The following JRK variants were observed in gnomAD, a reference collection of about 807,000 sequenced individuals.
JRK encodes jerky protein homolog.
For missense variants in JRK, 720 were observed against 509.2 expected (o/e 1.41, Z -3.98); for synonymous variants, 303 against 218.1 (o/e 1.39, Z -3.43).
Position 142,660,304 on chromosome 8 carries a change from G to C in JRK, c.*4048C>G. The C allele has an allele frequency of 1.0e-6, 1 of 985,636 alleles. No individual in the cohort carries two copies. The allele number at this position is 985,636 out of a possible 1,614,324, so 61.1% of individuals were successfully genotyped here. On this transcript the variant is annotated 3_prime_UTR_variant, in exon 2 of 2. Coordinates refer to ENST00000612905, the MANE Select transcript of JRK (RefSeq NM_003724.4). ...CCCAGGCCACCACCCACCCCTCACG[G>C]CTGCCACACCCACCAGCCCATGACT...
At chr8:142,645,878 C>G in the JRK span, among the ~76,000 whole-genome samples, 2 of 151,978 alleles carry the variant, frequency 1.3e-5, no homozygotes, top group Admixed American at 6.6e-5. Flanking sequence ...AAAGTAAAAC[C>G]CTTTTATTTT....
rs1023735981 is a variant in JRK at position 142,659,272 on chromosome 8, G to A, written c.*5080C>T. On this transcript the variant is annotated 3_prime_UTR_variant, in exon 2 of 2. Transcript: ENST00000612905. ...GCCCAGGGACATGCCTTGGCTTGGG[G>A]TGGCTTAGGACCAGGGCAAGACGCC... 9 of 1,072,910 alleles carry A rather than the reference G, an allele frequency of 8.4e-6. No homozygotes were observed. Among genetic ancestry groups the A allele is most frequent in the Non-Finnish European group, 1.0e-5 (9 of 883,390 alleles). The allele number at this position is 1,072,910 out of a possible 1,614,324, so 66.5% of individuals were successfully genotyped here. A position where few individuals can be genotyped will look rare whatever the true frequency, so the allele number is the denominator to read the frequency against.
chr8:142,665,759 C>A lies in JRK; in HGVS notation c.300G>T (p.Lys100Asn). The stretch of plus-strand genomic sequence containing the variant: ...CTGACACGGGGACGCCCTCGGAGCG[C>A]TTCCCCAGGAACCACTCGTACAGGA... ...DRVLYEWFLG[K>N]RSEGVPVSGP... Residue 100 changes from lysine to asparagine, a missense_variant, in exon 2 of 2, where the codon AAG (lysine) becomes AAT (asparagine). Transcript: ENST00000612905. 1 of 776,170 alleles carries A rather than the reference C, an allele frequency of 1.3e-6. No individual in the cohort carries two copies. The highest frequency in any genetic ancestry group is 2.4e-6 in the Non-Finnish European group (1 of 415,964). The allele number at this position is 776,170 out of a possible 1,614,324, so 48.1% of individuals were successfully genotyped here. A position where few individuals can be genotyped will look rare whatever the true frequency, so the allele number is the denominator to read the frequency against.
At chr8:142,667,399 C>T (rs587662996) in intron 1 of JRK, among the ~76,000 whole-genome samples, 1 of 151,840 alleles carries the variant, frequency 6.6e-6, no homozygotes, top group East Asian at 1.9e-4. Context: ...CACGGCAGGG[C>T]CGCAGAGCCT....
Position 142,666,190 on chromosome 8 carries a change from G to A in JRK, c.-132C>T. The A allele has an allele frequency of 6.8e-7, 1 of 1,473,658 alleles. No individual in the cohort carries two copies. The highest frequency in any genetic ancestry group is 1.2e-5 in the South Asian group (1 of 80,272). The allele number at this position is 1,473,658 out of a possible 1,614,324, so 91.3% of individuals were successfully genotyped here. ...CTCCACTCTGCCTGCCTGCTCTGCT[G>A]ATCCTGAGCACAGGCCCCAGTCCCT... On this transcript the variant is annotated 5_prime_UTR_variant, in exon 2 of 2. Transcript: ENST00000612905.
chr8:142,652,031 G>A, the JRK span, among the ~76,000 whole-genome samples: 1 of 151,908 alleles, frequency 6.6e-6, no homozygotes. Context: ...GGTGGGAGTT[G>A]TACAGCATAA....
chr8:142,665,422 T>C lies in JRK; in HGVS notation c.637A>G (p.Lys213Glu). The change falls in exon 2 of 2, where the codon AAG (lysine) becomes GAG (glutamate). Residue 213 changes from lysine to glutamate, a missense_variant. Coordinates refer to ENST00000612905, the MANE Select transcript of JRK (RefSeq NM_003724.4). ...GGAVPGPKQG[K>E]DRLTVLMCAN... ...CACATCAGCACGGTCAGCCGGTCCT[T>C]GCCCTGCTTGGGGCCAGGCACAGCC... 1 of 717,766 alleles carries C rather than the reference T, an allele frequency of 1.4e-6. No individual in the cohort carries two copies. The highest frequency in any genetic ancestry group is 2.6e-6 in the Non-Finnish European group (1 of 385,076). The allele number at this position is 717,766 out of a possible 1,614,324, so 44.5% of individuals were successfully genotyped here. A position where few individuals can be genotyped will look rare whatever the true frequency, so the allele number is the denominator to read the frequency against.
the JRK span, among the ~76,000 whole-genome samples, chr8:142,650,064 T>C: frequency 6.6e-6 from 1 of 152,274 alleles, no homozygotes; most frequent in Admixed American, 6.5e-5. Flanking sequence ...ATGTGAAACA[T>C]GGAGTCAAAG....
In JRK at chr8:142,662,050, C is replaced by T. The variant is rs1216636046; in HGVS notation, c.*2302G>A. The T allele has an allele frequency of 6.1e-6, 6 of 985,346 alleles. No homozygotes were observed. In the East Asian group the frequency reaches 5.7e-4, roughly 93 times the overall value. 61.0% of individuals were successfully genotyped at this position (985,346 alleles called of 1,614,324 possible). On this transcript the variant is annotated 3_prime_UTR_variant, in exon 2 of 2. Transcript: ENST00000612905. ...AGCAGGGCCCGAGTCCCCTGGGTGGCACAAGGGATTCCAGCCACAAGGGCT... is the reference window on the plus strand; with the variant it reads ...AGCAGGGCCCGAGTCCCCTGGGTGGTACAAGGGATTCCAGCCACAAGGGCT...
Position 142,663,013 on chromosome 8 carries a change from C to T in JRK, c.*1339G>A, listed in dbSNP as rs993452931. The stretch of plus-strand genomic sequence containing the variant: ...TGTCTCTACAAAAAAAATAAAAAGG[C>T]GCGGTGGTGCGTGCCTCTAGTCCCA... On this transcript the variant is annotated 3_prime_UTR_variant, in exon 2 of 2. Coordinates refer to ENST00000612905, the MANE Select transcript of JRK (RefSeq NM_003724.4). 692 of 263,782 alleles carry T rather than the reference C, an allele frequency of 2.6e-3. 7 individuals carry two copies. The East Asian group carries it at 0.037, about 14-fold the overall frequency. The allele number at this position is 263,782 out of a possible 1,614,324, so 16.3% of individuals were successfully genotyped here.
rs782019917 is a variant in JRK, at chr8:142,666,081, C to A, written c.-23G>T. The A allele has an allele frequency of 1.0e-5, 16 of 1,596,032 alleles. No homozygotes were observed. The highest frequency in any genetic ancestry group is 1.4e-5 in the Non-Finnish European group (16 of 1,172,114). ...CATGGGGAGGGGTGGCTGGTCCTAG[C>A]ACTTGCAGGACACACGCCTGGCCTG... On this transcript the variant is annotated 5_prime_UTR_variant, in exon 2 of 2. Transcript: ENST00000612905.
rs1320637898 is a variant in JRK, at chr8:142,657,603, GAGC to G, written c.*6746_*6748del. 1.3e-5 allele frequency: 2 copies of G among 152,440 alleles called. No homozygotes were observed. Among genetic ancestry groups the G allele is most frequent in the Non-Finnish European group, 2.9e-5 (2 of 68,206 alleles). 9.4% of individuals were successfully genotyped at this position (152,440 alleles called of 1,614,324 possible). A position where few individuals can be genotyped will look rare whatever the true frequency, so the allele number is the denominator to read the frequency against. On this transcript the variant is annotated 3_prime_UTR_variant, in exon 2 of 2. Transcript: ENST00000612905. ...AAAGGGCAGCAGCATCACATAGCAAGAGCAGGAGGAAGAAGGGAGGGAGGTGCC... is the reference window on the plus strand; with the variant it reads ...AAAGGGCAGCAGCATCACATAGCAAGAGGAGGAAGAAGGGAGGGAGGTGCC...
chr8:142,661,902 C>T lies in JRK; in HGVS notation c.*2450G>A. ...AGTCTCCATAAAGCGTTCTGGGGGA[C>T]AGGACCGAGGCAAGAGGTATGCACC... On this transcript the variant is annotated 3_prime_UTR_variant, in exon 2 of 2. Coordinates refer to ENST00000612905, the MANE Select transcript of JRK (RefSeq NM_003724.4). The T allele has an allele frequency of 1.0e-6, 1 of 985,568 alleles. No homozygotes were observed. 61.1% of individuals were successfully genotyped at this position (985,568 alleles called of 1,614,324 possible). A position where few individuals can be genotyped will look rare whatever the true frequency, so the allele number is the denominator to read the frequency against.
At chr8:142,645,690 A>T in the JRK span, among the ~76,000 whole-genome samples, 9,590 of 148,128 alleles carry the variant, frequency 0.065, 837 homozygotes, top group African/African-American at 0.2. Context: ...AGAAAAAAAA[A>T]ATATATATAT....
chr8:142,655,686 A>T (rs1434469171), downstream of JRK, among the ~76,000 whole-genome samples: 2 of 152,224 alleles, frequency 1.3e-5, no homozygotes, highest in Admixed American at 1.3e-4. Context: ...ACTAGTGACC[A>T]GCCAGGTGTC....
rs1314516141 is a variant in JRK at position 142,658,037 on chromosome 8, ATGG to A, written c.*6312_*6314del. 2.0e-5 allele frequency: 3 copies of A among 152,292 alleles called. No homozygotes were observed. The highest frequency in any genetic ancestry group is 4.4e-5 in the Non-Finnish European group (3 of 68,074). The allele number at this position is 152,292 out of a possible 1,614,324, so 9.4% of individuals were successfully genotyped here. A position where few individuals can be genotyped will look rare whatever the true frequency, so the allele number is the denominator to read the frequency against. On this transcript the variant is annotated 3_prime_UTR_variant, in exon 2 of 2. Coordinates refer to ENST00000612905, the MANE Select transcript of JRK (RefSeq NM_003724.4). ...CGTATTTATTGCCTCTGTCCGGGTC[ATGG>A]TGGGCAGGTGGGTCTGCCTCCCCTT...
In JRK at chr8:142,665,817, A is replaced by T. The variant is rs1587529770; in HGVS notation, c.242T>A (p.Leu81Gln). The change falls in exon 2 of 2, where the codon CTG becomes CAG. Residue 81 changes from leucine (L) to glutamine (Q), a missense_variant. Coordinates refer to ENST00000612905, the MANE Select transcript of JRK (RefSeq NM_003724.4). ...SNKALEQRRT[L>Q]HTPKLEHLDR... ...CAGGTGCTCCAGCTTGGGCGTGTGC[A>T]GCGTGCGCCGCTGCTCCAGCGCCTT... is the stretch of plus-strand genomic sequence containing the variant. 1 of 779,078 alleles carries T rather than the reference A, an allele frequency of 1.3e-6. No homozygotes were observed. The highest frequency in any genetic ancestry group is 2.4e-5 in the East Asian group (1 of 41,246). 48.3% of individuals were successfully genotyped at this position (779,078 alleles called of 1,614,324 possible). A position where few individuals can be genotyped will look rare whatever the true frequency, so the allele number is the denominator to read the frequency against.
At chr8:142,669,787 G>A (rs1351559931) in intron 1 of JRK, 145 bp downstream of exon 1, 1 of 149,202 alleles carries the variant, frequency 6.7e-6, no homozygotes, top group African/African-American at 2.4e-5. Context: ...GCAGCCTCGC[G>A]ACCAACCCCG....
Position 142,658,862 on chromosome 8 carries a change from T to C in JRK, c.*5490A>G. On this transcript the variant is annotated 3_prime_UTR_variant, in exon 2 of 2. Coordinates refer to ENST00000612905, the MANE Select transcript of JRK (RefSeq NM_003724.4). ...GGCAGAAGTTCTCCAACATTATGTC[T>C]CTGTAGAGGCCTCCAGGCAGCACTT... The C allele has an allele frequency of 6.2e-7, 1 of 1,613,088 alleles. No homozygotes were observed. The highest frequency in any genetic ancestry group is 8.5e-7 in the Non-Finnish European group (1 of 1,179,550).
Sources: gnomAD v4.1 joint callset for allele counts (sites outside exome capture counted in the v4.1 genomes callset) on GRCh38, gnomAD v4.1.1 for gene constraint, MANE v1.5 for transcripts, NCBI Gene and HGNC (gene_info 2026-07-23, HGNC 2026-07-21) for gene names.